The following PRKDC variants were observed in gnomAD, a reference collection of about 807,000 sequenced individuals.
PRKDC encodes the protein DNA-dependent protein kinase catalytic subunit.
In PRKDC, 82 loss-of-function variants were observed where a neutral mutation model predicts 486.9. That is an observed-to-expected ratio of 0.17 (90% CI 0.14 to 0.20). The LOEUF (loss-of-function observed/expected upper bound fraction) is 0.20. PRKDC is among the 10% of genes least tolerant of loss of function. The pLI is 1.00. For synonymous variants in PRKDC, 1,895 were observed against 1,837.0 expected, an observed-to-expected ratio of 1.03 and a Z score of -0.81; for missense variants, 4,504 against 5,038.2, an observed-to-expected ratio of 0.89 and a Z score of 3.21.
chr8:47,889,275 A>G (rs1358698210), intron 32 of PRKDC, 53 bp from the exon 33 acceptor site: 3 of 1,470,152 alleles, frequency 2.0e-6, no homozygotes, highest in Middle Eastern at 2.5e-4. Flanking sequence ...TTCTATTTTC[A>G]CCAAAGTGCA....
intron 38 of PRKDC, among the ~76,000 whole-genome samples, chr8:47,880,503 G>C (rs765329559): frequency 2.5e-4 from 38 of 152,244 alleles, no homozygotes; most frequent in Non-Finnish European, 4.3e-4. Context: ...CCTTTATCCA[G>C]TAAAAAGGTC....
rs1290192627 is a variant in PRKDC at position 47,943,964 on chromosome 8, T to C, written c.777+10A>G. 6.4e-7 allele frequency: 1 copy of C among 1,559,064 alleles called. No individual in the cohort carries two copies. The highest frequency in any genetic ancestry group is 8.7e-7 in the Non-Finnish European group (1 of 1,148,210). ...CATTAGAATAATATTAATAGTAATA[T>C]TAATCCTACCTGAGGACGAATTGCC... On this transcript the variant is annotated intron_variant, in intron 8 of 85. Coordinates refer to ENST00000314191, the MANE Select transcript of PRKDC (RefSeq NM_006904.7).
chr8:47,799,035 T>C (rs1008178126), intron 72 of PRKDC, among the ~76,000 whole-genome samples, 175 bp downstream of exon 72: 1 of 152,172 alleles, frequency 6.6e-6, no homozygotes, highest in African/African-American at 2.4e-5. Flanking sequence ...GGTCTTGAAC[T>C]CCTGGCCTCA....
chr8:47,920,571 A>G (rs1200615696), intron 21 of PRKDC, among the ~76,000 whole-genome samples: 2 of 152,232 alleles, frequency 1.3e-5, no homozygotes, highest in East Asian at 1.9e-4. Context: ...TAAATGTGCT[A>G]GATTTTAAAA....
chr8:47,861,944 A>C, intron 44 of PRKDC, 118 bp downstream of exon 44: 2 of 768,196 alleles, frequency 2.6e-6, no homozygotes, highest in Admixed American at 5.7e-5. Flanking sequence ...AACCACATGA[A>C]ACCACCAGTT....
At chr8:47,839,788 C>G (rs1337795827) in intron 55 of PRKDC, among the ~76,000 whole-genome samples, 1 of 152,074 alleles carries the variant, frequency 6.6e-6, no homozygotes, top group African/African-American at 2.4e-5. Context: ...GCCCAGGCAA[C>G]AAGGTGAAAC....
Position 47,935,004 on chromosome 8 carries a change from T to G in PRKDC, c.1497+5A>C, listed in dbSNP as rs746423489. 26 of 1,509,540 alleles carry G rather than the reference T, an allele frequency of 1.7e-5. No homozygotes were observed. The highest frequency in any genetic ancestry group is 1.7e-4 in the Middle Eastern group (1 of 5,928). The allele number at this position is 1,509,540 out of a possible 1,614,324, so 93.5% of individuals were successfully genotyped here. A position where few individuals can be genotyped will look rare whatever the true frequency, so the allele number is the denominator to read the frequency against. The stretch of plus-strand genomic sequence containing the variant: ...AATTTTCTAAACATTAAATTCAGAA[T>G]TTACCTTTGGAAGGACCACTGGTTT... On this transcript the variant is annotated splice_donor_5th_base_variant and intron_variant, in intron 14 of 85. Transcript: ENST00000314191.
intron 65 of PRKDC, among the ~76,000 whole-genome samples, chr8:47,821,286 C>T (rs2087589380): frequency 6.6e-6 from 1 of 152,108 alleles, no homozygotes; most frequent in Non-Finnish European, 1.5e-5. Flanking sequence ...GTCACAGGAG[C>T]TGGGAGGCCT....
chr8:47,901,335 G>A (rs1283871695), intron 27 of PRKDC, among the ~76,000 whole-genome samples: 1 of 151,724 alleles, frequency 6.6e-6, no homozygotes, highest in East Asian at 1.9e-4. Context: ...TTAGCCATGC[G>A]TAGTGGCGGG....
At chr8:47,808,609 AAAC>A (rs1283135562) in intron 68 of PRKDC, among the ~76,000 whole-genome samples, 1 of 152,116 alleles carries the variant, frequency 6.6e-6, no homozygotes, top group Non-Finnish European at 1.5e-5. Context: ...CAAGAAGCTG[AAAC>A]AATAGGCGTG....
chr8:47,787,731 T>C (rs1408589678), intron 76 of PRKDC, among the ~76,000 whole-genome samples: 2 of 152,170 alleles, frequency 1.3e-5, no homozygotes, highest in African/African-American at 2.4e-5. Flanking sequence ...AAAGTGGCCA[T>C]GAATTCCGAC....
At chr8:47,778,161 A>C (rs2086637647) in intron 83 of PRKDC, among the ~76,000 whole-genome samples, 1 of 152,188 alleles carries the variant, frequency 6.6e-6, no homozygotes, top group African/African-American at 2.4e-5. Flanking sequence ...GATCTGTATC[A>C]CATTTTTGAC....
intron 54 of PRKDC, 117 bp downstream of exon 54, chr8:47,849,037 A>G (rs1451030420): frequency 1.5e-6 from 2 of 1,322,808 alleles, no homozygotes; most frequent in Non-Finnish European, 2.1e-6. Context: ...AGAGATTCCA[A>G]CTTCACAAAT....
chr8:47,953,888 T>A lies in PRKDC; in HGVS notation c.540A>T (p.Leu180Phe). 1 of 1,559,926 alleles carries A rather than the reference T, an allele frequency of 6.4e-7. No homozygotes were observed. The highest frequency in any genetic ancestry group is 8.7e-7 in the Non-Finnish European group (1 of 1,149,748). The change falls in exon 6 of 86, where the codon TTA becomes TTT. Residue 180 changes from leucine to phenylalanine, a missense_variant. Coordinates refer to ENST00000314191, the MANE Select transcript of PRKDC (RefSeq NM_006904.7). The stretch of plus-strand genomic sequence containing the variant: ...TCTCACTAGGATGAACTTCACCCAA[T>A]AATCCTAGGAGCTCATATACTTTTT... ...VLEKVYELLG[L>F]LGEVHPSEMI...
intron 30 of PRKDC, among the ~76,000 whole-genome samples, chr8:47,895,132 C>T (rs2089549690): frequency 6.6e-6 from 1 of 152,020 alleles, no homozygotes; most frequent in Non-Finnish European, 1.5e-5. Context: ...GAGGTTGAGG[C>T]AAGAGGATCA....
At chr8:47,852,209 A>T (rs2088423767) in intron 52 of PRKDC, among the ~76,000 whole-genome samples, 1 of 152,188 alleles carries the variant, frequency 6.6e-6, no homozygotes, top group Non-Finnish European at 1.5e-5. Flanking sequence ...AGTTAGGCTC[A>T]TCTCACAGTC....
intron 68 of PRKDC, among the ~76,000 whole-genome samples, chr8:47,813,351 C>T (rs917529367): frequency 6.6e-6 from 1 of 152,018 alleles, no homozygotes; most frequent in Non-Finnish European, 1.5e-5. Context: ...CTCCTGACCT[C>T]AAATGATCCA....
Position 47,890,500 on chromosome 8 carries a change from A to G in PRKDC, c.3848-20T>C. ...CAGTACCTAGAAGCAATTATATTAAAGTATTAATATATGCTTCCTTTCAAC... is the reference window on the plus strand; with the variant it reads ...CAGTACCTAGAAGCAATTATATTAAGGTATTAATATATGCTTCCTTTCAAC... On this transcript the variant is annotated intron_variant, in intron 31 of 85. Transcript: ENST00000314191. 1 of 1,466,004 alleles carries G rather than the reference A, an allele frequency of 6.8e-7. No homozygotes were observed. 90.8% of individuals were successfully genotyped at this position (1,466,004 alleles called of 1,614,324 possible). A position where few individuals can be genotyped will look rare whatever the true frequency, so the allele number is the denominator to read the frequency against.
chr8:47,787,161 A>G (rs993192919), intron 76 of PRKDC, among the ~76,000 whole-genome samples: 1 of 152,230 alleles, frequency 6.6e-6, no homozygotes, highest in Non-Finnish European at 1.5e-5. Context: ...AAATCTCAAG[A>G]GCATTACTAG....
Sources: gnomAD v4.1 joint callset for allele counts (sites outside exome capture counted in the v4.1 genomes callset) on GRCh38, gnomAD v4.1.1 for gene constraint, MANE v1.5 for transcripts, NCBI Gene and HGNC (gene_info 2026-07-23, HGNC 2026-07-21) for gene names.